Variants in SPTBN1 observed in about 807,000 individuals in gnomAD.
SPTBN1 encodes the protein spectrin beta chain, non-erythrocytic 1.
Under a neutral mutation model 266.4 loss-of-function variants are expected in SPTBN1, and 32 were observed. The observed-to-expected ratio is 0.12, with a 90% CI of 0.09 to 0.16. SPTBN1 has a LOEUF of 0.16. Ranked by LOEUF, SPTBN1 falls within the 10% of genes least tolerant of loss-of-function variation. The probability of loss-of-function intolerance (pLI) is 1.00; values close to 1 mark genes in which losing one functional copy is unlikely to be tolerated. For synonymous variants in SPTBN1, 1,336 were observed against 1,162.2 expected (o/e 1.15, Z -3.04); for missense variants, 2,296 against 3,067.1 (o/e 0.75, Z 5.94).
In SPTBN1 at chr2:54,649,258, C is replaced by T; in HGVS notation, c.5202+68C>T. On this transcript the variant is annotated intron_variant, in intron 25 of 35. Coordinates refer to ENST00000356805, the MANE Select transcript of SPTBN1 (RefSeq NM_003128.3). The surrounding 1 kb of genome is among the most constrained non-coding windows in gnomAD (Gnocchi z 6.7). ...GATGGTGTGGAAGGCCATTTGCATT[C>T]CTTGTCTGTGAGCAGATAAAATGCC... 6.7e-7 allele frequency: 1 copy of T among 1,487,908 alleles called. No homozygotes were observed. 92.2% of individuals were successfully genotyped at this position (1,487,908 alleles called of 1,614,324 possible). A position where few individuals can be genotyped will look rare whatever the true frequency, so the allele number is the denominator to read the frequency against.
chr2:54,583,016 G>T (rs1214132148), intron 2 of SPTBN1, among the ~76,000 whole-genome samples: 1 of 152,164 alleles, frequency 6.6e-6, no homozygotes, highest in Non-Finnish European at 1.5e-5. Context: ...GACTATAGGG[G>T]TGGACATGGA....
chr2:54,529,016 T>TA (rs933976095), intron 2 of SPTBN1, among the ~76,000 whole-genome samples: 2 of 152,218 alleles, frequency 1.3e-5, no homozygotes, highest in African/African-American at 2.4e-5. Context: ...TTGAGTCCTC[T>TA]AAAAAACTAT....
intron 3 of SPTBN1, among the ~76,000 whole-genome samples, chr2:54,601,282 A>T (rs1177558581): frequency 6.6e-6 from 1 of 152,290 alleles, no homozygotes; most frequent in East Asian, 1.9e-4. Flanking sequence ...TAATTTTCTT[A>T]TTCCAAAAAT....
intron 2 of SPTBN1, among the ~76,000 whole-genome samples, chr2:54,592,533 C>T (rs1469591796): frequency 1.3e-5 from 2 of 152,054 alleles, no homozygotes; most frequent in Non-Finnish European, 1.5e-5. Context: ...TACAGACATG[C>T]GCCACCACGC....
In SPTBN1 at chr2:54,529,488, G is replaced by C. The variant is rs61739882; in HGVS notation, c.148+2922G>C. ...ATCCGCATGTCACCCACCTTCCAGC[G>C]GCCCAAGACACTGAGACTCTGGAGG... is the stretch of plus-strand genomic sequence containing the variant. On this transcript the variant is annotated intron_variant, in intron 2 of 35. Coordinates refer to ENST00000356805, the MANE Select transcript of SPTBN1 (RefSeq NM_003128.3). 6.3e-3 allele frequency: 4,476 copies of C among 715,354 alleles called. 131 individuals are homozygous for C. In the African/African-American group the frequency reaches 0.063, roughly 10 times the overall value. 44.3% of individuals were successfully genotyped at this position (715,354 alleles called of 1,614,324 possible). A position where few individuals can be genotyped will look rare whatever the true frequency, so the allele number is the denominator to read the frequency against.
chr2:54,664,768 G>T lies in SPTBN1; in HGVS notation c.6659+77G>T, dbSNP rs1439826861. On this transcript the variant is annotated intron_variant, in intron 33 of 35. Coordinates refer to ENST00000356805, the MANE Select transcript of SPTBN1 (RefSeq NM_003128.3). This position sits in a 1 kb window ranked among gnomAD's most constrained non-coding sequence, Gnocchi z 5.6. The stretch of plus-strand genomic sequence containing the variant: ...GATAAGGCGGGCCACTCTTGAATTG[G>T]AAGAGAAGTATGTGCTCATGTAGTT... The T allele has an allele frequency of 7.0e-7, 1 of 1,426,016 alleles. No homozygotes were observed. Among genetic ancestry groups the T allele is most frequent in the South Asian group, 1.2e-5 (1 of 81,672 alleles). The allele number at this position is 1,426,016 out of a possible 1,614,324, so 88.3% of individuals were successfully genotyped here.
At chr2:54,606,473 A>G (rs1000840351) in intron 3 of SPTBN1, among the ~76,000 whole-genome samples, 1 of 152,232 alleles carries the variant, frequency 6.6e-6, no homozygotes, top group African/African-American at 2.4e-5. Flanking sequence ...AACTGACAAG[A>G]AATGAGAAGA....
At chr2:54,661,015 A>G in intron 32 of SPTBN1, 3 of 985,414 alleles carry the variant, frequency 3.0e-6, no homozygotes, top group Non-Finnish European at 3.6e-6. Flanking sequence ...TGAACGTTGC[A>G]CTTGGTGGAC....
intron 2 of SPTBN1, among the ~76,000 whole-genome samples, chr2:54,577,668 A>T (rs1256963289): frequency 6.6e-6 from 1 of 152,164 alleles, no homozygotes; most frequent in Non-Finnish European, 1.5e-5. Flanking sequence ...CATTTTGAAG[A>T]TGAGGAAACT....
At chr2:54,556,354 AGT>A (rs1672875335) in intron 2 of SPTBN1, among the ~76,000 whole-genome samples, 1 of 152,172 alleles carries the variant, frequency 6.6e-6, no homozygotes, top group Non-Finnish European at 1.5e-5. Flanking sequence ...CACAGGATTG[AGT>A]GTGGCTACGT....
intron 24 of SPTBN1, 90 bp downstream of exon 24, chr2:54,647,351 A>T (rs1318216702): frequency 6.5e-7 from 1 of 1,537,018 alleles, no homozygotes; most frequent in East Asian, 2.3e-5. Flanking sequence ...AAATGTCAGC[A>T]TTCATCATGA....
At chr2:54,559,946 G>A (rs1353581977) in intron 2 of SPTBN1, among the ~76,000 whole-genome samples, 1 of 152,144 alleles carries the variant, frequency 6.6e-6, no homozygotes, top group Non-Finnish European at 1.5e-5. Flanking sequence ...TATTTGTCTT[G>A]TGAAATAGTT....
At chr2:54,623,744 G>A (rs933998041) in intron 10 of SPTBN1, 148 bp downstream of exon 10, 4 of 646,478 alleles carry the variant, frequency 6.2e-6, no homozygotes, top group Admixed American at 6.1e-5. Context: ...CTCAGGTGTG[G>A]CAAAGGACCA....
intron 18 of SPTBN1, among the ~76,000 whole-genome samples, chr2:54,638,446 C>A (rs998877073): frequency 6.6e-6 from 1 of 152,212 alleles, no homozygotes; most frequent in African/African-American, 2.4e-5. Context: ...TCAGGCTGTT[C>A]CCATGTGTAT....
At chr2:54,463,060 C>CTA (rs954637048) in intron 1 of SPTBN1, among the ~76,000 whole-genome samples, 9 of 151,992 alleles carry the variant, frequency 5.9e-5, no homozygotes, top group African/African-American at 2.2e-4. Flanking sequence ...CTGGAAGAAA[C>CTA]TAGAAGCAAG....
In SPTBN1 at chr2:54,558,091, C is replaced by G; in HGVS notation, c.148+31525C>G. The G allele has an allele frequency of 2.0e-6, 2 of 985,396 alleles. No homozygotes were observed. The highest frequency in any genetic ancestry group is 1.1e-4 in the East Asian group (1 of 8,804). The allele number at this position is 985,396 out of a possible 1,614,324, so 61.0% of individuals were successfully genotyped here. On this transcript the variant is annotated intron_variant, in intron 2 of 35. Transcript: ENST00000356805. This position sits in a 1 kb window ranked among gnomAD's most constrained non-coding sequence, Gnocchi z 4.6. Reference sequence around the variant, plus strand: ...CAAGTGATAGTAATCGGAGACTTTTCCGTTACATGAGGCTCAACAAAAGAT... The same window carrying G: ...CAAGTGATAGTAATCGGAGACTTTTGCGTTACATGAGGCTCAACAAAAGAT...
rs751787536 is a variant in SPTBN1 at position 54,668,842 on chromosome 2, C to G, written c.*273C>G. ...AGATCTCAGTATTTAAACTGTTCCT[C>G]AATTTTGTGAGGCTGTGTTGGAAAT... is the stretch of plus-strand genomic sequence containing the variant. On this transcript the variant is annotated 3_prime_UTR_variant, in exon 36 of 36. Transcript: ENST00000356805. 1 of 364,526 alleles carries G rather than the reference C, an allele frequency of 2.7e-6. No homozygotes were observed. The allele number at this position is 364,526 out of a possible 1,614,324, so 22.6% of individuals were successfully genotyped here. A position where few individuals can be genotyped will look rare whatever the true frequency, so the allele number is the denominator to read the frequency against.
In SPTBN1 at chr2:54,670,550, T is replaced by C; in HGVS notation, c.*1981T>C. 1 of 396,542 alleles carries C rather than the reference T, an allele frequency of 2.5e-6. No individual in the cohort carries two copies. Among genetic ancestry groups the C allele is most frequent in the Non-Finnish European group, 4.4e-6 (1 of 225,226 alleles). 24.6% of individuals were successfully genotyped at this position (396,542 alleles called of 1,614,324 possible). A position where few individuals can be genotyped will look rare whatever the true frequency, so the allele number is the denominator to read the frequency against. On this transcript the variant is annotated 3_prime_UTR_variant, in exon 36 of 36. Transcript: ENST00000356805. ...TCCTTTGCCCTTGCCATGCTCAGGGTTGGAATCAAGTTGTTCTATTCTCAA... is the reference window on the plus strand; with the variant it reads ...TCCTTTGCCCTTGCCATGCTCAGGGCTGGAATCAAGTTGTTCTATTCTCAA...
At chr2:54,473,225 C>G (rs753698524) in intron 1 of SPTBN1, among the ~76,000 whole-genome samples, 11 of 152,082 alleles carry the variant, frequency 7.2e-5, no homozygotes, top group Non-Finnish European at 1.3e-4. Flanking sequence ...TTTGTAATTA[C>G]TGTACTTTTT....
Sources: allele counts gnomAD v4.1 joint callset (sites outside exome capture counted in the v4.1 genomes callset), GRCh38; gene constraint gnomAD v4.1.1; non-coding constraint Gnocchi (gnomAD v3.1); transcripts MANE v1.5; gene names NCBI Gene and HGNC (gene_info 2026-07-23, HGNC 2026-07-21).